The following EYS variants were observed in gnomAD, a reference collection of about 807,000 sequenced individuals.
EYS encodes the protein EGF-like photoreceptor maintenance factor, also known as protein eyes shut homolog.
A neutral mutation model predicts 282.1 loss-of-function variants in EYS; 250 were observed. That is an observed-to-expected ratio of 0.89 (90% CI 0.80 to 0.98). The LOEUF is 0.98. Among genes scored for constraint, EYS ranks in the 50% least tolerant of loss-of-function variants. EYS has a pLI of 0.00. For missense variants in EYS, 4,016 were observed against 3,709.0 expected (o/e 1.08, Z -2.15); for synonymous variants, 1,355 against 1,282.9 (o/e 1.06, Z -1.20).
At chr6:64,952,736 C>A (rs1439360475) in intron 14 of EYS, among the ~76,000 whole-genome samples, 4 of 152,004 alleles carry the variant, frequency 2.6e-5, no homozygotes, top group Admixed American at 2.6e-4. Context: ...ACATTTAAAG[C>A]ATGTTAGTTA....
At chr6:64,812,455 A>G (rs1764626299) in intron 22 of EYS, among the ~76,000 whole-genome samples, 1 of 152,124 alleles carries the variant, frequency 6.6e-6, no homozygotes, top group South Asian at 2.1e-4. Context: ...TACACACCAA[A>G]TAAAAAATAC....
intron 8 of EYS, among the ~76,000 whole-genome samples, chr6:65,363,419 C>T (rs1022324119): frequency 6.6e-5 from 10 of 151,786 alleles, no homozygotes; most frequent in African/African-American, 2.2e-4. Context: ...CCAACATTGA[C>T]TCTACTCATT....
intron 35 of EYS, among the ~76,000 whole-genome samples, chr6:63,902,622 A>G (rs2149732361): frequency 6.6e-6 from 1 of 152,306 alleles, no homozygotes; most frequent in East Asian, 1.9e-4. Context: ...ATAAAAGAGA[A>G]AAGTTTATAA....
intron 12 of EYS, among the ~76,000 whole-genome samples, chr6:65,278,861 T>C (rs73443129): frequency 0.043 from 6,576 of 152,160 alleles, 238 homozygotes; most frequent in African/African-American, 0.097. Context: ...TGGTCAGTCA[T>C]GGCTCTAAGA....
At chr6:64,479,103 T>C (rs1353866648) in intron 26 of EYS, among the ~76,000 whole-genome samples, 3 of 151,990 alleles carry the variant, frequency 2.0e-5, no homozygotes, top group Non-Finnish European at 4.4e-5. Flanking sequence ...AAAAATGTAA[T>C]GAAAGTTAAT....
chr6:64,194,445 T>C (rs1031585849), intron 31 of EYS, among the ~76,000 whole-genome samples: 2 of 152,242 alleles, frequency 1.3e-5, no homozygotes, highest in Admixed American at 6.5e-5. Flanking sequence ...AAATAAGTTT[T>C]TGTGTAAACA....
At chr6:63,966,264 A>G (rs773762723) in intron 35 of EYS, among the ~76,000 whole-genome samples, 2 of 152,214 alleles carry the variant, frequency 1.3e-5, no homozygotes, top group Non-Finnish European at 2.9e-5. Context: ...TAGCTCAGGA[A>G]TAGAAAACAA....
intron 12 of EYS, among the ~76,000 whole-genome samples, chr6:65,064,424 T>C (rs1465439102): frequency 2.1e-5 from 3 of 145,936 alleles, no homozygotes; most frequent in Non-Finnish European, 4.5e-5. Flanking sequence ...ATATACCATA[T>C]ACCATATATC....
chr6:64,562,290 A>G lies in EYS; in HGVS notation c.5644+27933T>C, dbSNP rs188306582. On this transcript the variant is annotated intron_variant, in intron 26 of 42. Transcript: ENST00000503581. ...TTATTAGTCAAATCTGATGTTTCCT[A>G]GAAGTCTACAAAAATATTTTTAATG... is the stretch of plus-strand genomic sequence containing the variant. 1.1e-3 allele frequency among the ~76,000 whole-genome samples: 168 copies of G among 151,960 alleles called. 1 individual carries two copies. The highest frequency in any genetic ancestry group is 3.9e-3 in the African/African-American group (164 of 41,542).
At chr6:64,584,386 T>C (rs900306501) in intron 26 of EYS, among the ~76,000 whole-genome samples, 1 of 151,556 alleles carries the variant, frequency 6.6e-6, no homozygotes, top group Non-Finnish European at 1.5e-5. Flanking sequence ...TAATAGTTGT[T>C]TTCCAATTTT....
chr6:63,887,762 GT>G (rs34358782), intron 35 of EYS, among the ~76,000 whole-genome samples: 72,646 of 151,216 alleles, frequency 0.48, 19,074 homozygotes, highest in Non-Finnish European at 0.59. Flanking sequence ...AGATGCAGAA[GT>G]TTTTTTTCAT....
chr6:65,000,347 C>T (rs1771422478), intron 13 of EYS, among the ~76,000 whole-genome samples: 1 of 152,174 alleles, frequency 6.6e-6, no homozygotes, highest in Admixed American at 6.5e-5. Context: ...TTAAAATAGG[C>T]CTTCTATGAA....
chr6:63,890,094 G>A (rs769307497), intron 35 of EYS, among the ~76,000 whole-genome samples: 1 of 152,164 alleles, frequency 6.6e-6, no homozygotes, highest in Non-Finnish European at 1.5e-5. Flanking sequence ...CCCAATACAG[G>A]AGCACCCAGA....
At chr6:64,709,315 T>C (rs1771132075) in intron 22 of EYS, among the ~76,000 whole-genome samples, 1 of 152,166 alleles carries the variant, frequency 6.6e-6, no homozygotes, top group Non-Finnish European at 1.5e-5. Context: ...AAACACTGCA[T>C]AGGGCATTTC....
At chr6:63,875,241 T>C (rs1772936141) in intron 35 of EYS, among the ~76,000 whole-genome samples, 1 of 152,250 alleles carries the variant, frequency 6.6e-6, no homozygotes, top group Non-Finnish European at 1.5e-5. Flanking sequence ...ATGTGGTTTT[T>C]GTCTTTGGTT....
At chr6:64,949,479 C>A (rs1042058949) in intron 14 of EYS, among the ~76,000 whole-genome samples, 5 of 151,820 alleles carry the variant, frequency 3.3e-5, no homozygotes, top group African/African-American at 1.2e-4. Context: ...TCACAGCATG[C>A]CAGTTTGTTT....
At chr6:64,710,490 C>G (rs1771172029) in intron 22 of EYS, among the ~76,000 whole-genome samples, 1 of 152,200 alleles carries the variant, frequency 6.6e-6, no homozygotes, top group Non-Finnish European at 1.5e-5. Context: ...ACAAGGAGTA[C>G]AGAAAACCAA....
rs539577250 is a variant in EYS, at chr6:64,591,302, T to C, written c.4565A>G (p.Asn1522Ser). ...AGTAATAGCCTGATATTCACTGGGATTGAAGGCTTTTGTACTGAACCGGTG... is the reference window on the plus strand; with the variant it reads ...AGTAATAGCCTGATATTCACTGGGACTGAAGGCTTTTGTACTGAACCGGTG... ...ALHRFSTKAFNPSEYQAITEA... is the reference protein window; with the variant it reads ...ALHRFSTKAFSPSEYQAITEA... Residue 1522 changes from asparagine (N) to serine (S), a missense_variant, in exon 26 of 43, where the codon AAT becomes AGT. By Grantham distance (46) the Asn-to-Ser change is conservative (BLOSUM62 1). Transcript: ENST00000503581. 2.1e-5 allele frequency: 33 copies of C among 1,551,396 alleles called. No individual in the cohort carries two copies. In the African/African-American group the frequency reaches 4.2e-4, roughly 20 times the overall value.
intron 15 of EYS, among the ~76,000 whole-genome samples, chr6:64,927,625 G>A (rs1327781252): frequency 6.6e-6 from 1 of 151,946 alleles, no homozygotes; most frequent in East Asian, 1.9e-4. Context: ...CAAATCTTAA[G>A]GGTTCTGGTG....
Sources: gnomAD v4.1 joint callset for allele counts (sites outside exome capture counted in the v4.1 genomes callset) on GRCh38, gnomAD v4.1.1 for gene constraint, MANE v1.5 for transcripts, NCBI Gene and HGNC (gene_info 2026-07-23, HGNC 2026-07-21) for gene names.